The following ARHGAP32 variants were observed in gnomAD, a reference collection of about 807,000 sequenced individuals.
The protein encoded by ARHGAP32 is rho GTPase-activating protein 32.
In ARHGAP32, 51 loss-of-function variants were observed where a neutral mutation model predicts 186.5. The observed-to-expected ratio is 0.27, with a 90% CI of 0.22 to 0.35. The LOEUF (loss-of-function observed/expected upper bound fraction) is 0.35. Among genes scored for constraint, ARHGAP32 ranks in the 10% least tolerant of loss-of-function variants. The pLI is 1.00. For synonymous variants in ARHGAP32, 950 were observed against 964.3 expected (o/e 0.99, Z 0.27); for missense variants, 2,186 against 2,623.5 (o/e 0.83, Z 3.64).
intron 1 of ARHGAP32, among the ~76,000 whole-genome samples, chr11:129,274,748 T>C (rs1945511125): frequency 6.6e-6 from 1 of 151,932 alleles, no homozygotes; most frequent in Admixed American, 6.5e-5. Context: ...ACTAGATCTA[T>C]TTAGAAAAAA....
intron 6 of ARHGAP32, among the ~76,000 whole-genome samples, chr11:129,088,788 A>C (rs1424785869): frequency 6.6e-6 from 1 of 152,138 alleles, no homozygotes; most frequent in African/African-American, 2.4e-5. Flanking sequence ...CATGCCTATA[A>C]TCCCAGCACT....
At chr11:129,040,807 T>A in intron 11 of ARHGAP32, 121 bp downstream of exon 11, 1 of 621,394 alleles carries the variant, frequency 1.6e-6, no homozygotes, top group Admixed American at 3.0e-5. Flanking sequence ...AAATTAAGAA[T>A]GTTAATTATT....
chr11:129,069,817 C>T (rs560457451), intron 6 of ARHGAP32, among the ~76,000 whole-genome samples: 2 of 152,056 alleles, frequency 1.3e-5, no homozygotes, highest in Non-Finnish European at 2.9e-5. Flanking sequence ...ATTTGGTAGG[C>T]TCACATTTAT....
intron 1 of ARHGAP32, among the ~76,000 whole-genome samples, chr11:129,264,079 G>T (rs926669296): frequency 6.6e-6 from 1 of 152,184 alleles, no homozygotes; most frequent in Non-Finnish European, 1.5e-5. Context: ...AAATCCTTCC[G>T]CATGCTACAA....
chr11:129,186,934 T>C (rs968421971), intron 1 of ARHGAP32, among the ~76,000 whole-genome samples: 3 of 152,112 alleles, frequency 2.0e-5, no homozygotes, highest in Admixed American at 6.6e-5. Context: ...ATTAGGCAAC[T>C]ACTATGAAGA....
intron 11 of ARHGAP32, among the ~76,000 whole-genome samples, chr11:129,002,092 C>G (rs1293048183): frequency 6.6e-6 from 1 of 151,876 alleles, no homozygotes; most frequent in African/African-American, 2.4e-5. Context: ...TTATTTAGTT[C>G]CATATAAATT....
In ARHGAP32 at chr11:129,027,860, C is replaced by T. The variant is rs142051419; in HGVS notation, c.1045+13068G>A. ...TACAAACACCAAAATGGTGGAATTT[C>T]TGTCTGGTGTGTTCACTGTTTTAGC... On this transcript the variant is annotated intron_variant, in intron 11 of 22. Coordinates refer to ENST00000682385, the MANE Select transcript of ARHGAP32 (RefSeq NM_001378024.1). 3.3e-5 allele frequency among the ~76,000 whole-genome samples: 5 copies of T among 152,306 alleles called. No homozygotes were observed. The East Asian group carries it at 9.7e-4, about 29-fold the overall frequency.
intron 6 of ARHGAP32, among the ~76,000 whole-genome samples, chr11:129,078,816 T>G (rs550529390): frequency 6.6e-6 from 1 of 152,120 alleles, no homozygotes; most frequent in East Asian, 1.9e-4. Context: ...CTAAGCTTCT[T>G]AAGGAGGCAC....
rs776313939 is a variant in ARHGAP32 at position 128,980,607 on chromosome 11, C to T, written c.1922G>A (p.Gly641Glu). 6.2e-7 allele frequency: 1 copy of T among 1,613,848 alleles called. No homozygotes were observed. Among genetic ancestry groups the T allele is most frequent in the Non-Finnish European group, 8.5e-7 (1 of 1,179,874 alleles). Reference sequence around the variant, plus strand: ...AAATTTCCCCTGAAGTGCAGCAGGTCCTTCTCCTACTTCGATATATTTATT... The same window carrying T: ...AAATTTCCCCTGAAGTGCAGCAGGTTCTTCTCCTACTTCGATATATTTATT... The part of the protein sequence containing the change: ...TENKYIEVGE[G>E]PAALQGKFHT... Residue 641 changes from glycine (G) to glutamate (E), a missense_variant, in exon 18 of 23, where the codon GGA becomes GAA. Gly to Glu is a moderately conservative substitution (Grantham distance 98). This residue lies in a region of ARHGAP32 where 263 missense variants were observed against 323.5 expected (regional missense o/e 0.81). Coordinates refer to ENST00000682385, the MANE Select transcript of ARHGAP32 (RefSeq NM_001378024.1).
intron 18 of ARHGAP32, among the ~76,000 whole-genome samples, chr11:128,979,998 T>G (rs1226668457): frequency 6.6e-6 from 1 of 152,224 alleles, no homozygotes; most frequent in African/African-American, 2.4e-5. Flanking sequence ...GAAAGTTAGA[T>G]GAATGACCAG....
In ARHGAP32 at chr11:129,026,333, T is replaced by C. The variant is rs77426864; in HGVS notation, c.1045+14595A>G. Among the ~76,000 whole-genome samples, 1,092 of 152,336 alleles carry C rather than the reference T, an allele frequency of 7.2e-3. 10 individuals are homozygous for C. The highest frequency in any genetic ancestry group is 0.02 in the African/African-American group (821 of 41,572). On this transcript the variant is annotated intron_variant, in intron 11 of 22. Transcript: ENST00000682385. ...AATTGACTGAAAAGATGCTGTGCCA[T>C]CTAGTGACTGTGTAGGAGAGGTCAC...
At chr11:129,192,049 G>A in intron 1 of ARHGAP32, 34 bp downstream of exon 1, 4 of 1,508,554 alleles carry the variant, frequency 2.7e-6, no homozygotes, top group Non-Finnish European at 3.7e-6. Context: ...GTAGGGAGTG[G>A]ACAGGACAAA....
intron 6 of ARHGAP32, among the ~76,000 whole-genome samples, chr11:129,081,732 T>TA (rs1359934772): frequency 2.0e-5 from 3 of 151,472 alleles, no homozygotes; most frequent in Non-Finnish European, 2.9e-5. Context: ...TTCAACATAG[T>TA]ACTGGAAGTC....
At chr11:129,099,380 T>C (rs1234668543) in intron 5 of ARHGAP32, among the ~76,000 whole-genome samples, 1 of 152,218 alleles carries the variant, frequency 6.6e-6, no homozygotes, top group African/African-American at 2.4e-5. Context: ...CTGAACCAGT[T>C]TGTAGCCTAG....
chr11:129,135,928 A>T (rs1942927320), intron 2 of ARHGAP32, among the ~76,000 whole-genome samples: 1 of 152,196 alleles, frequency 6.6e-6, no homozygotes, highest in South Asian at 2.1e-4. Flanking sequence ...AAGGACACAC[A>T]CGGAAAAAAC....
chr11:129,263,879 A>C (rs2135714615), intron 1 of ARHGAP32, among the ~76,000 whole-genome samples: 1 of 152,280 alleles, frequency 6.6e-6, no homozygotes, highest in African/African-American at 2.4e-5. Flanking sequence ...CAGCAATTCC[A>C]CTTCTGGATG....
At chr11:128,997,781 C>A (rs1565365939) in intron 12 of ARHGAP32, among the ~76,000 whole-genome samples, 1 of 152,086 alleles carries the variant, frequency 6.6e-6, no homozygotes, top group African/African-American at 2.4e-5. Context: ...GTGGCACATG[C>A]CTGTAGTCCC....
intron 10 of ARHGAP32, among the ~76,000 whole-genome samples, chr11:129,042,955 C>T (rs143309319): frequency 1.0e-3 from 158 of 152,160 alleles, no homozygotes; most frequent in African/African-American, 3.6e-3. Context: ...TAAGCCATGA[C>T]GGATAGAATG....
intron 2 of ARHGAP32, among the ~76,000 whole-genome samples, chr11:129,161,301 C>A (rs1412680086): frequency 3.3e-5 from 5 of 151,982 alleles, no homozygotes; most frequent in Non-Finnish European, 7.4e-5. Flanking sequence ...CCAAAATTGA[C>A]AAATGGAATC....
Sources: gnomAD v4.1 joint callset for allele counts (sites outside exome capture counted in the v4.1 genomes callset) on GRCh38, gnomAD v4.1.1 for gene constraint, gnomAD v4.1.1 regional missense constraint, MANE v1.5 for transcripts, NCBI Gene and HGNC (gene_info 2026-07-23, HGNC 2026-07-21) for gene names.